Variants in PTPRD observed in about 807,000 individuals in gnomAD.
PTPRD encodes the protein protein tyrosine phosphatase receptor type D.
Under a neutral mutation model 214.5 loss-of-function variants are expected in PTPRD, and 34 were observed. The ratio of observed to expected loss-of-function variants is 0.16; its 90% CI spans 0.12 to 0.21. PTPRD has a LOEUF of 0.21. PTPRD is among the 10% of genes least tolerant of loss of function. The pLI is 1.00. For synonymous variants in PTPRD, 1,128 were observed against 845.7 expected (o/e 1.33, Z -5.79); for missense variants, 2,545 against 2,398.7 (o/e 1.06, Z -1.27).
At chr9:10,212,362 T>C (rs1360469137) in intron 3 of PTPRD, among the ~76,000 whole-genome samples, 4 of 152,154 alleles carry the variant, frequency 2.6e-5, no homozygotes, top group Non-Finnish European at 5.9e-5. Context: ...AAAAGTCTTA[T>C]ATAATAAGTA....
chr9:9,884,110 A>C (rs1187146095), intron 5 of PTPRD, among the ~76,000 whole-genome samples: 1 of 152,150 alleles, frequency 6.6e-6, no homozygotes, highest in African/African-American at 2.4e-5. Flanking sequence ...ACAGCTGAGA[A>C]TATGGCTGAT....
chr9:8,686,389 C>A (rs1297309972), intron 12 of PTPRD, among the ~76,000 whole-genome samples: 1 of 152,104 alleles, frequency 6.6e-6, no homozygotes, highest in African/African-American at 2.4e-5. Flanking sequence ...AATGTAGGCA[C>A]AGAGTGAAAA....
chr9:9,804,062 T>A (rs2153518793), intron 5 of PTPRD, among the ~76,000 whole-genome samples: 1 of 152,222 alleles, frequency 6.6e-6, no homozygotes, highest in East Asian at 1.9e-4. Context: ...GTGAGTTATT[T>A]TTTTTCTTTT....
intron 11 of PTPRD, among the ~76,000 whole-genome samples, chr9:8,984,917 G>T (rs1056948352): frequency 1.1e-4 from 16 of 151,990 alleles, no homozygotes; most frequent in African/African-American, 3.9e-4. Context: ...TCATTTGATG[G>T]TTTTGTGTTT....
intron 3 of PTPRD, among the ~76,000 whole-genome samples, chr9:10,332,032 C>T (rs2096760135): frequency 6.6e-6 from 1 of 151,788 alleles, no homozygotes; most frequent in Non-Finnish European, 1.5e-5. Context: ...CAAACAGAAA[C>T]TAACACATTT....
chr9:8,584,603 C>T (rs904875343), intron 14 of PTPRD, among the ~76,000 whole-genome samples: 2 of 152,146 alleles, frequency 1.3e-5, no homozygotes, highest in African/African-American at 2.4e-5. Context: ...TGCTTTCATA[C>T]ACATTTAATT....
chr9:10,469,083 T>C (rs1160065504), intron 2 of PTPRD, among the ~76,000 whole-genome samples: 1 of 152,172 alleles, frequency 6.6e-6, no homozygotes, highest in African/African-American at 2.4e-5. Context: ...ATAGTAAGTA[T>C]GTCTACTACT....
chr9:8,825,902 T>C (rs2097165983), intron 11 of PTPRD, among the ~76,000 whole-genome samples: 1 of 152,128 alleles, frequency 6.6e-6, no homozygotes, highest in Admixed American at 6.6e-5. Flanking sequence ...GCCATTTTGG[T>C]GTTGGTGGGT....
intron 2 of PTPRD, among the ~76,000 whole-genome samples, chr9:10,503,208 C>CAAA (rs1182534691): frequency 1.7e-5 from 2 of 118,456 alleles, no homozygotes; most frequent in African/African-American, 3.0e-5. Context: ...AAAAAAAAAA[C>CAAA]AAAAAAAAAC....
At chr9:9,047,496 C>T (rs1207518695) in intron 10 of PTPRD, among the ~76,000 whole-genome samples, 1 of 152,104 alleles carries the variant, frequency 6.6e-6, no homozygotes, top group Admixed American at 6.6e-5. Context: ...TATCTGATTT[C>T]AGACTATACT....
chr9:8,527,108 C>T (rs1010901379), intron 16 of PTPRD, among the ~76,000 whole-genome samples: 1 of 151,842 alleles, frequency 6.6e-6, no homozygotes, highest in Non-Finnish European at 1.5e-5. Flanking sequence ...GATTGGATAT[C>T]TTATACTACT....
intron 4 of PTPRD, among the ~76,000 whole-genome samples, chr9:9,965,296 AC>A (rs2094607169): frequency 6.6e-6 from 1 of 152,204 alleles, no homozygotes; most frequent in African/African-American, 2.4e-5. Flanking sequence ...AAGAGGAGCA[AC>A]AGGCAAGGCT....
chr9:10,495,731 T>C (rs1394116798), intron 2 of PTPRD, among the ~76,000 whole-genome samples: 1 of 151,808 alleles, frequency 6.6e-6, no homozygotes, highest in Non-Finnish European at 1.5e-5. Flanking sequence ...AAATACACAA[T>C]TTAATAATAA....
chr9:9,541,146 T>C (rs886224454), intron 8 of PTPRD, among the ~76,000 whole-genome samples: 7 of 151,962 alleles, frequency 4.6e-5, no homozygotes, highest in Middle Eastern at 3.4e-3. Context: ...TGGCTCACTA[T>C]GAACCAACTT....
At chr9:8,947,132 T>C (rs967559571) in intron 11 of PTPRD, among the ~76,000 whole-genome samples, 3 of 151,670 alleles carry the variant, frequency 2.0e-5, no homozygotes, top group African/African-American at 7.3e-5. Flanking sequence ...TCTTCTACTC[T>C]TTCCTAATTT....
At chr9:9,544,830 A>T (rs1288250256) in intron 8 of PTPRD, among the ~76,000 whole-genome samples, 3 of 151,696 alleles carry the variant, frequency 2.0e-5, no homozygotes, top group Non-Finnish European at 4.4e-5. Flanking sequence ...ATTTTATTAT[A>T]GTTCAACTAT....
At chr9:8,912,077 C>G (rs932558527) in intron 11 of PTPRD, among the ~76,000 whole-genome samples, 27 of 152,124 alleles carry the variant, frequency 1.8e-4, no homozygotes, top group African/African-American at 6.5e-4. Context: ...TAACATACCA[C>G]TTCAGAAAAA....
rs2098108065 is a variant in PTPRD, at chr9:10,393,332, CAA to C, written c.-599-52317_-599-52316del. ...GTGTGTGTGTGTATGTGGTCAGAACCAAAGAGAGCAGAAGCTATGTATGAGTA... is the reference window on the plus strand; with the variant it reads ...GTGTGTGTGTGTATGTGGTCAGAACCAGAGAGCAGAAGCTATGTATGAGTA... On this transcript the variant is annotated intron_variant, in intron 2 of 45. Coordinates refer to ENST00000381196, the MANE Select transcript of PTPRD (RefSeq NM_002839.4). Among the ~76,000 whole-genome samples the C allele has an allele frequency of 4.6e-5, 7 of 151,144 alleles. No homozygotes were observed. In the South Asian group the frequency reaches 1.5e-3, roughly 32 times the overall value.
chr9:9,672,576 G>C (rs1286296094), intron 7 of PTPRD, among the ~76,000 whole-genome samples: 1 of 152,074 alleles, frequency 6.6e-6, no homozygotes, highest in African/African-American at 2.4e-5. Flanking sequence ...TAACCTTAAA[G>C]CTCATGATCT....
Sources: allele counts gnomAD v4.1 joint callset (sites outside exome capture counted in the v4.1 genomes callset), GRCh38; gene constraint gnomAD v4.1.1; transcripts MANE v1.5; gene names NCBI Gene and HGNC (gene_info 2026-07-23, HGNC 2026-07-21).